ZFYVE26: variants seen among roughly 807,000 people sequenced by gnomAD.
ZFYVE26 encodes zinc finger FYVE-type containing 26, also known as zinc finger FYVE domain-containing protein 26.
Under a neutral mutation model 276.5 loss-of-function variants are expected in ZFYVE26, and 181 were observed. The ratio of observed to expected loss-of-function variants is 0.65; its 90% CI spans 0.58 to 0.74. The LOEUF (loss-of-function observed/expected upper bound fraction) is 0.74. ZFYVE26 is among the 30% of genes least tolerant of loss of function. The pLI, the probability that ZFYVE26 is intolerant of heterozygous loss-of-function variation, is 0.00. For synonymous variants in ZFYVE26, 1,129 were observed against 1,203.1 expected, an observed-to-expected ratio of 0.94 and a Z score of 1.27; for missense variants, 2,821 against 3,097.9, an observed-to-expected ratio of 0.91 and a Z score of 2.12.
intron 13 of ZFYVE26, among the ~76,000 whole-genome samples, chr14:67,738,606 A>G (rs886083188): frequency 3.3e-5 from 5 of 152,040 alleles, no homozygotes; most frequent in Non-Finnish European, 5.9e-5. Context: ...CATGTAATAT[A>G]TATTTTCTAT....
chr14:67,744,254 A>G (rs895793898), downstream of ZFYVE26, among the ~76,000 whole-genome samples: 1 of 152,174 alleles, frequency 6.6e-6, no homozygotes, highest in Non-Finnish European at 1.5e-5. Flanking sequence ...TTCTAAATAT[A>G]GCAGTCATCT....
At chr14:67,749,937 T>C (rs1159764799) in intron 41 of ZFYVE26, among the ~76,000 whole-genome samples, 1 of 152,212 alleles carries the variant, frequency 6.6e-6, no homozygotes, top group African/African-American at 2.4e-5. Context: ...CAAGCCCCCA[T>C]GGCCTAAGCT....
chr14:67,803,784 A>T (rs911975135), intron 9 of ZFYVE26, among the ~76,000 whole-genome samples: 1 of 152,158 alleles, frequency 6.6e-6, no homozygotes, highest in African/African-American at 2.4e-5. Flanking sequence ...ACTGACTAAC[A>T]ATGCTGTGTA....
chr14:67,800,900 C>A (rs1193716278), intron 10 of ZFYVE26, among the ~76,000 whole-genome samples: 1 of 148,886 alleles, frequency 6.7e-6, no homozygotes, highest in African/African-American at 2.5e-5. Context: ...CATTAGAACA[C>A]CTTGGTATAA....
chr14:67,786,217 G>A lies in ZFYVE26; in HGVS notation c.3036C>T (p.His1012=), dbSNP rs551159891. 9.3e-5 allele frequency: 148 copies of A among 1,584,094 alleles called. No individual in the cohort carries two copies. Among genetic ancestry groups the A allele is most frequent in the Non-Finnish European group, 1.2e-4 (139 of 1,163,036 alleles). ...SLERRGRRID[H]VLLNADGIRG... is the part of the protein sequence containing the mutation. ...GAATGCCATCAGCATTTAGGAGTAC[G>A]TGGTCTATCCGTCGACCTGGAAATA... The change falls in exon 17 of 42, where the codon CAC becomes CAT. Residue 1012 remains histidine, a synonymous_variant. Transcript: ENST00000347230.
chr14:67,762,415 G>C lies in ZFYVE26; in HGVS notation c.6160-3C>G. On this transcript the variant is annotated splice_polypyrimidine_tract_variant and splice_region_variant and intron_variant, in intron 33 of 41. Coordinates refer to ENST00000347230, the MANE Select transcript of ZFYVE26 (RefSeq NM_015346.4). The stretch of plus-strand genomic sequence containing the variant: ...TCAAGCCCAGTCTTTGTGGAGACCT[G>C]GGAGAAAAATTGCCCCTTTTAGTGA... 7 of 1,612,790 alleles carry C rather than the reference G, an allele frequency of 4.3e-6. 1 individual carries two copies. The highest frequency in any genetic ancestry group is 4.2e-6 in the Non-Finnish European group (5 of 1,179,390).
At chr14:67,749,283 G>GAC (rs1202272887) in intron 41 of ZFYVE26, among the ~76,000 whole-genome samples, 1 of 152,196 alleles carries the variant, frequency 6.6e-6, no homozygotes, top group Non-Finnish European at 1.5e-5. Context: ...TGGGGAGGAA[G>GAC]ACACACACAC....
intron 25 of ZFYVE26, among the ~76,000 whole-genome samples, chr14:67,776,705 C>T (rs765795869): frequency 5.3e-5 from 8 of 152,228 alleles, no homozygotes; most frequent in East Asian, 1.9e-4. Context: ...TTAGAAGTCA[C>T]GATCACTAGG....
At chr14:67,763,214 T>G (rs1315814589) in intron 32 of ZFYVE26, among the ~76,000 whole-genome samples, 1 of 152,314 alleles carries the variant, frequency 6.6e-6, no homozygotes, top group Middle Eastern at 3.4e-3. Context: ...AAAGTGATCA[T>G]GAGAATTGAG....
chr14:67,738,485 A>G (rs2038377519), intron 13 of ZFYVE26, among the ~76,000 whole-genome samples: 1 of 150,522 alleles, frequency 6.6e-6, no homozygotes, highest in Non-Finnish European at 1.5e-5. Flanking sequence ...TAGTTATTCC[A>G]AAAATCATTA....
chr14:67,797,860 T>C (rs2039989183), intron 11 of ZFYVE26, 105 bp from the exon 12 acceptor site: 1 of 1,573,642 alleles, frequency 6.4e-7, no homozygotes, highest in Non-Finnish European at 8.7e-7. Context: ...CTCTGAGACA[T>C]GGAGCATACC....
At chr14:67,782,692 G>C in intron 21 of ZFYVE26, 88 bp downstream of exon 21, 1 of 1,581,166 alleles carries the variant, frequency 6.3e-7, no homozygotes, top group Middle Eastern at 1.7e-4. Context: ...TCTCTCTAGA[G>C]TTACCGTGAG....
At chr14:67,763,708 A>G (rs2038991195) in intron 32 of ZFYVE26, among the ~76,000 whole-genome samples, 1 of 152,246 alleles carries the variant, frequency 6.6e-6, no homozygotes. Flanking sequence ...GGAGTTTTAA[A>G]GATAAAATGA....
rs747029622 is a variant in ZFYVE26, at chr14:67,754,124, G to A, written c.7075C>T (p.Pro2359Ser). The part of the protein sequence containing the change: ...SAGTSQITTL[P>S]LPTLFGNNHM... ...TTATTTCCAAACAGGGTTGGCAGAG[G>A]CAAAGTGGTGATTTGAGAGGTCCCA... The change falls in exon 38 of 42, where the codon CCT (proline) becomes TCT (serine). Residue 2359 changes from proline to serine, a missense_variant. Coordinates refer to ENST00000347230, the MANE Select transcript of ZFYVE26 (RefSeq NM_015346.4). 80 of 1,614,136 alleles carry A rather than the reference G, an allele frequency of 5.0e-5. No individual in the cohort carries two copies. Among genetic ancestry groups the A allele is most frequent in the Non-Finnish European group, 6.6e-5 (78 of 1,180,056 alleles).
rs1555393181 is a variant in ZFYVE26, at chr14:67,752,343, C to T, written c.7371+1G>A. The T allele has an allele frequency of 6.2e-7, 1 of 1,608,676 alleles. No individual in the cohort carries two copies. The highest frequency in any genetic ancestry group is 8.5e-7 in the Non-Finnish European group (1 of 1,177,638). On this transcript the variant is annotated splice_donor_variant, in intron 40 of 41. Coordinates refer to ENST00000347230, the MANE Select transcript of ZFYVE26 (RefSeq NM_015346.4). LOFTEE classifies it high-confidence loss of function. ...GCCAAGAGGTACGGGAGGGAGTGTA[C>T]CTGGGGCGGAATTCTCTTGAACGCT... is the stretch of plus-strand genomic sequence containing the variant.
rs1244701103 is a variant in ZFYVE26, at chr14:67,807,798, C to G, written c.486G>C (p.Arg162Ser). The G allele has an allele frequency of 7.4e-6, 12 of 1,614,056 alleles. No individual in the cohort carries two copies. The highest frequency in any genetic ancestry group is 9.3e-6 in the Non-Finnish European group (11 of 1,180,030). Residue 162 changes from arginine (R) to serine (S), a missense_variant, in exon 5 of 42, where the codon AGG (arginine) becomes AGC (serine). Arg to Ser is a moderately radical substitution (Grantham distance 110). Transcript: ENST00000347230. ...EAVSVLWDLLRQSPQPAQALL... is the reference protein window; with the variant it reads ...EAVSVLWDLLSQSPQPAQALL... Reference sequence around the variant, plus strand: ...GGGCCTGTGCTGGCTGGGGAGACTGCCTCAGGAGATCCCAGAGCACAGAGA... The same window carrying G: ...GGGCCTGTGCTGGCTGGGGAGACTGGCTCAGGAGATCCCAGAGCACAGAGA...
At position 67,748,169 on chromosome 14, in the gene ZFYVE26, C is replaced by A; in HGVS notation, c.*267G>T. The A allele has an allele frequency of 1.8e-6, 1 of 544,382 alleles. No individual in the cohort carries two copies. Among genetic ancestry groups the A allele is most frequent in the Non-Finnish European group, 3.3e-6 (1 of 300,630 alleles). The allele number at this position is 544,382 out of a possible 1,614,324, so 33.7% of individuals were successfully genotyped here. A position where few individuals can be genotyped will look rare whatever the true frequency, so the allele number is the denominator to read the frequency against. The stretch of plus-strand genomic sequence containing the variant: ...ACAGGAACATGCACACGTGTGTGCA[C>A]ACATACTCACTCACTCACTCTGAGG... On this transcript the variant is annotated 3_prime_UTR_variant, in exon 42 of 42. Coordinates refer to ENST00000347230, the MANE Select transcript of ZFYVE26 (RefSeq NM_015346.4).
At position 67,735,839 on chromosome 14, in the gene ZFYVE26, G is replaced by A. The variant is rs78852991; in HGVS notation, n.2680-6020C>T. Among the ~76,000 whole-genome samples the A allele has an allele frequency of 3.5e-3, 527 of 152,290 alleles. 25 individuals are homozygous for A. In the East Asian group the frequency reaches 0.085, roughly 25 times the overall value. On this transcript the variant is annotated intron_variant and non_coding_transcript_variant, in intron 13 of 14. Transcript: ENST00000394455. ...ACTTCAATGGGAAACTAAAGGAAAA[G>A]GAAATCAAAGAGACATATGAAACTC...
intron 21 of ZFYVE26, among the ~76,000 whole-genome samples, chr14:67,782,146 T>C: frequency 6.6e-6 from 1 of 152,252 alleles, no homozygotes; most frequent in East Asian, 1.9e-4. Flanking sequence ...AGTCATTCCC[T>C]ACATCACACC....
Sources: allele counts gnomAD v4.1 joint callset (sites outside exome capture counted in the v4.1 genomes callset), GRCh38; gene constraint gnomAD v4.1.1; transcripts MANE v1.5; gene names NCBI Gene and HGNC (gene_info 2026-07-23, HGNC 2026-07-21).